Variants in TSPAN9 observed in about 807,000 individuals in gnomAD.
TSPAN9 encodes the protein tetraspanin-9.
A neutral mutation model predicts 31.0 loss-of-function variants in TSPAN9; 16 were observed. The ratio of observed to expected loss-of-function variants is 0.52; its 90% CI spans 0.35 to 0.78. The LOEUF is 0.78. TSPAN9 is among the 30% of genes least tolerant of loss of function. TSPAN9 has a pLI of 0.01. For missense variants in TSPAN9, 272 were observed against 312.5 expected (o/e 0.87, Z 0.98); for synonymous variants, 145 against 121.6 (o/e 1.19, Z -1.27).
At chr12:3,273,087 G>A (rs683865) in intron 3 of TSPAN9, 55,977 of 152,082 alleles carry the variant, frequency 0.37, 10,617 homozygotes, top group Middle Eastern at 0.46. Context: ...TCTCTGTGCT[G>A]GGGGCCTGCA....
chr12:3,140,089 C>T (rs2098334070), intron 2 of TSPAN9, among the ~76,000 whole-genome samples: 2 of 152,162 alleles, frequency 1.3e-5, no homozygotes, highest in Admixed American at 1.3e-4. Flanking sequence ...CTCAGGGCAG[C>T]CACCAGGACA....
chr12:3,141,535 G>A (rs1328509409), intron 2 of TSPAN9, among the ~76,000 whole-genome samples: 4 of 152,074 alleles, frequency 2.6e-5, no homozygotes, highest in Admixed American at 1.3e-4. Context: ...GAGGCCGTGC[G>A]TGACCCCGTC....
At chr12:3,268,160 A>ATTCTGCCCTCCGTGCG (rs1862573291) in intron 3 of TSPAN9, among the ~76,000 whole-genome samples, 1 of 130,090 alleles carries the variant, frequency 7.7e-6, no homozygotes, top group Non-Finnish European at 1.7e-5. Context: ...CCCTCCGTGC[A>ATTCTGCCCTCCGTGCG]TTCCTGCAGC....
intron 2 of TSPAN9, chr12:3,200,921 A>C: frequency 2.6e-6 from 1 of 389,030 alleles, no homozygotes; most frequent in Non-Finnish European, 4.6e-6. Flanking sequence ...CGCCGCGAGC[A>C]TGGAGAAGTC....
At chr12:3,164,594 C>T (rs897891759) in intron 2 of TSPAN9, among the ~76,000 whole-genome samples, 1 of 152,222 alleles carries the variant, frequency 6.6e-6, no homozygotes, top group Non-Finnish European at 1.5e-5. Context: ...GTTGCTGGAT[C>T]GTGGTGATGC....
intron 3 of TSPAN9, among the ~76,000 whole-genome samples, chr12:3,207,875 CG>C (rs1363332801): frequency 2.6e-5 from 4 of 152,166 alleles, no homozygotes; most frequent in African/African-American, 9.7e-5. Context: ...AGTGGATGTT[CG>C]CATCAGCCAG....
intron 1 of TSPAN9, among the ~76,000 whole-genome samples, chr12:3,078,624 G>A (rs140230411): frequency 1.2e-4 from 19 of 152,256 alleles, no homozygotes; most frequent in Non-Finnish European, 2.2e-4. Context: ...CAATTACACC[G>A]GCTTCCTACC....
intron 2 of TSPAN9, among the ~76,000 whole-genome samples, chr12:3,158,294 A>C (rs1031891972): frequency 2.0e-5 from 3 of 152,040 alleles, no homozygotes; most frequent in Non-Finnish European, 2.9e-5. Context: ...CTGTGGATGG[A>C]GCTACCTTTC....
At chr12:3,213,653 T>A (rs976122280) in intron 3 of TSPAN9, among the ~76,000 whole-genome samples, 5 of 151,872 alleles carry the variant, frequency 3.3e-5, no homozygotes, top group African/African-American at 1.2e-4. Context: ...CCCCTTCACC[T>A]GTCCCTTTCT....
At chr12:3,151,043 G>C (rs2098339487) in intron 2 of TSPAN9, 1 of 152,216 alleles carries the variant, frequency 6.6e-6, no homozygotes, top group African/African-American at 2.4e-5. Context: ...GCAATTTCTA[G>C]CACTTCCTGG....
chr12:3,270,473 G>A (rs1862653863), intron 3 of TSPAN9, among the ~76,000 whole-genome samples: 2 of 152,340 alleles, frequency 1.3e-5, no homozygotes, highest in South Asian at 4.1e-4. Flanking sequence ...AACAGATTCA[G>A]GTTCTCCCTG....
chr12:3,106,078 G>A (rs1212026274), intron 2 of TSPAN9, among the ~76,000 whole-genome samples: 1 of 149,388 alleles, frequency 6.7e-6, no homozygotes, highest in East Asian at 2.0e-4. Context: ...ATGCACACTC[G>A]CTCTTGTGCG....
intron 2 of TSPAN9, among the ~76,000 whole-genome samples, chr12:3,190,312 A>G (rs2098363666): frequency 6.6e-6 from 1 of 152,240 alleles, no homozygotes; most frequent in Non-Finnish European, 1.5e-5. Flanking sequence ...CCACTGGTGC[A>G]TGGTAATAAG....
chr12:3,264,478 C>G (rs1291763094), intron 3 of TSPAN9, among the ~76,000 whole-genome samples: 2 of 152,234 alleles, frequency 1.3e-5, no homozygotes, highest in African/African-American at 4.8e-5. Flanking sequence ...AAGCCGCCTC[C>G]CGGAGATGGG....
chr12:3,245,287 C>T (rs756535251), intron 3 of TSPAN9, among the ~76,000 whole-genome samples: 5 of 152,232 alleles, frequency 3.3e-5, no homozygotes, highest in South Asian at 4.1e-4. Context: ...TTCTGGCTCT[C>T]GGGCCTTGGC....
At chr12:3,109,311 T>TGTGTGAGA (rs2098316977) in intron 2 of TSPAN9, among the ~76,000 whole-genome samples, 1 of 105,342 alleles carries the variant, frequency 9.5e-6, no homozygotes, top group Non-Finnish European at 2.0e-5. Flanking sequence ...AGAGAGAGTG[T>TGTGTGAGA]GTGTGTGTGT....
chr12:3,176,215 TC>T (rs1670617940), intron 2 of TSPAN9, among the ~76,000 whole-genome samples: 1 of 152,212 alleles, frequency 6.6e-6, no homozygotes, highest in Non-Finnish European at 1.5e-5. Flanking sequence ...TGTCTCAGCA[TC>T]GAGCCTTACG....
chr12:3,207,880 C>A (rs983145790), intron 3 of TSPAN9, among the ~76,000 whole-genome samples: 5 of 152,338 alleles, frequency 3.3e-5, no homozygotes, highest in African/African-American at 1.2e-4. Flanking sequence ...ATGTTCGCAT[C>A]AGCCAGGCAG....
intron 2 of TSPAN9, among the ~76,000 whole-genome samples, chr12:3,116,956 G>A (rs1290337502): frequency 6.6e-6 from 1 of 152,188 alleles, no homozygotes; most frequent in Non-Finnish European, 1.5e-5. Flanking sequence ...GGCTCTGAGG[G>A]GTAGAGGGAC....
Sources: gnomAD v4.1 joint callset for allele counts (sites outside exome capture counted in the v4.1 genomes callset) on GRCh38, gnomAD v4.1.1 for gene constraint, MANE v1.5 for transcripts, NCBI Gene and HGNC (gene_info 2026-07-23, HGNC 2026-07-21) for gene names.